The following CHST8 variants were observed in gnomAD, a reference collection of about 807,000 sequenced individuals.
CHST8 encodes GALNAC-4-ST1.
Under a neutral mutation model 15.0 loss-of-function variants are expected in CHST8, and 10 were observed. The ratio of observed to expected loss-of-function variants is 0.67; its 90% CI spans 0.41 to 1.13. CHST8 has a LOEUF of 1.13. Among genes scored for constraint, CHST8 ranks in the 50% most tolerant of loss-of-function variants. CHST8 has a pLI of 0.00. For missense variants in CHST8, 634 were observed against 608.2 expected (o/e 1.04, Z -0.45); for synonymous variants, 259 against 256.6 (o/e 1.01, Z -0.09).
rs138112976 is a variant in CHST8 at position 33,725,760 on chromosome 19, C to T, written c.130+36369C>T. 2.6e-3 allele frequency among the ~76,000 whole-genome samples: 392 copies of T among 152,314 alleles called. 1 individual carries two copies. The highest frequency in any genetic ancestry group is 7.4e-3 in the African/African-American group (309 of 41,570). On this transcript the variant is annotated intron_variant, in intron 3 of 4. Transcript: ENST00000650847. ...AGAACAGAGCTGGAGGCTTCAGCCT[C>T]GGCCAGCCCCTTATCTCTAGCCTCA...
chr19:33,771,528 G>A, intron 4 of CHST8, 78 bp downstream of exon 4: 1 of 1,366,986 alleles, frequency 7.3e-7, no homozygotes. Flanking sequence ...AAAATTAGGA[G>A]CTCACATTGG....
At chr19:33,738,187 C>G (rs936350260) in intron 3 of CHST8, among the ~76,000 whole-genome samples, 1 of 152,222 alleles carries the variant, frequency 6.6e-6, no homozygotes, top group Non-Finnish European at 1.5e-5. Context: ...CACTATCGGC[C>G]TCTGTGAGAG....
intron 2 of CHST8, among the ~76,000 whole-genome samples, chr19:33,669,826 G>A (rs532361006): frequency 5.3e-5 from 8 of 152,210 alleles, no homozygotes; most frequent in African/African-American, 7.2e-5. Flanking sequence ...GGGAACCAAC[G>A]TAGATATGCA....
chr19:33,773,210 TGGG>T lies in CHST8; in HGVS notation c.*151_*153del. 1 of 968,482 alleles carries T rather than the reference TGGG, an allele frequency of 1.0e-6. No individual in the cohort carries two copies. Among genetic ancestry groups the T allele is most frequent in the Non-Finnish European group, 1.5e-6 (1 of 675,328 alleles). The allele number at this position is 968,482 out of a possible 1,614,324, so 60.0% of individuals were successfully genotyped here. ...GCTGTGGGAGGCAGCAGGCCCCGGG[TGGG>T]GGGCAGAGGCGCCCAGCCTTGGATG... On this transcript the variant is annotated 3_prime_UTR_variant, in exon 5 of 5. Transcript: ENST00000650847.
intron 2 of CHST8, among the ~76,000 whole-genome samples, chr19:33,672,734 C>T (rs746773217): frequency 5.3e-5 from 8 of 152,292 alleles, no homozygotes; most frequent in Non-Finnish European, 8.8e-5. Flanking sequence ...CAGGATGAGA[C>T]GGCCCTGGGC....
chr19:33,672,935 T>C (rs1972760704), intron 2 of CHST8, among the ~76,000 whole-genome samples: 1 of 152,220 alleles, frequency 6.6e-6, no homozygotes, highest in South Asian at 2.1e-4. Context: ...GACGCTGTGG[T>C]TGAGGATGGA....
At chr19:33,736,062 G>A (rs898915306) in intron 3 of CHST8, among the ~76,000 whole-genome samples, 4 of 152,212 alleles carry the variant, frequency 2.6e-5, no homozygotes, top group Non-Finnish European at 4.4e-5. Context: ...ACAGACATGG[G>A]GCCGGGATCC....
intron 3 of CHST8, among the ~76,000 whole-genome samples, chr19:33,733,763 G>A (rs1039815412): frequency 3.3e-5 from 5 of 152,142 alleles, no homozygotes; most frequent in South Asian, 4.1e-4. Flanking sequence ...CTTCAGCTCC[G>A]AAAGAACATG....
At chr19:33,652,393 T>TTTG (rs1491474033) in intron 1 of CHST8, among the ~76,000 whole-genome samples, 5 of 145,432 alleles carry the variant, frequency 3.4e-5, no homozygotes, top group East Asian at 4.0e-4. Context: ...TTTTTTTTTT[T>TTTG]GAGACAGCTT....
intron 2 of CHST8, among the ~76,000 whole-genome samples, chr19:33,670,200 A>G (rs1211286417): frequency 1.3e-5 from 2 of 152,248 alleles, no homozygotes; most frequent in African/African-American, 2.4e-5. Flanking sequence ...ACCCACAAAA[A>G]TGAAAACAAA....
rs979252847 is a variant in CHST8, at chr19:33,772,296, A to G, written c.508A>G (p.Ser170Gly). The G allele has an allele frequency of 1.9e-6, 3 of 1,601,654 alleles. No homozygotes were observed. The highest frequency in any genetic ancestry group is 2.7e-5 in the African/African-American group (2 of 74,824). ...MQEACAKYRASSSRRAVTPRH... is the reference protein window; with the variant it reads ...MQEACAKYRAGSSRRAVTPRH... ...GGAGGCCTGCGCCAAGTACCGGGCG[A>G]GCAGCAGCCGCCGGGCCGTCACGCC... The change falls in exon 5 of 5, where the codon AGC becomes GGC. Residue 170 changes from serine to glycine, a missense_variant. By Grantham distance (56) the Ser-to-Gly change is moderately conservative (BLOSUM62 0). Coordinates refer to ENST00000650847, the MANE Select transcript of CHST8 (RefSeq NM_001127895.2).
chr19:33,731,070 C>T (rs1258445211), intron 3 of CHST8, among the ~76,000 whole-genome samples: 1 of 152,242 alleles, frequency 6.6e-6, no homozygotes, highest in Non-Finnish European at 1.5e-5. Context: ...TCCCAGTCCA[C>T]TGACTCAAAT....
intron 1 of CHST8, among the ~76,000 whole-genome samples, chr19:33,662,283 G>T (rs1231730130): frequency 1.3e-5 from 2 of 152,066 alleles, no homozygotes; most frequent in African/African-American, 2.4e-5. Flanking sequence ...TCACTCTGTT[G>T]CCCAGGCTGG....
chr19:33,630,227 G>C (rs781474197), intron 1 of CHST8, among the ~76,000 whole-genome samples: 2 of 152,222 alleles, frequency 1.3e-5, no homozygotes, highest in Non-Finnish European at 2.9e-5. Flanking sequence ...CCTGGCCCTG[G>C]AGAAGTTGAG....
Position 33,689,256 on chromosome 19 carries a change from C to G in CHST8, c.-6C>G, listed in dbSNP as rs191031643. ...ACCCAAGAGGTGACCCCTGAGCCAG[C>G]CCCGGATGACCCTGCGACCTGGAAC... On this transcript the variant is annotated 5_prime_UTR_variant, in exon 3 of 5. Coordinates refer to ENST00000650847, the MANE Select transcript of CHST8 (RefSeq NM_001127895.2). 14 of 1,573,264 alleles carry G rather than the reference C, an allele frequency of 8.9e-6. No individual in the cohort carries two copies. The South Asian group carries it at 1.2e-4, about 13-fold the overall frequency.
intron 2 of CHST8, among the ~76,000 whole-genome samples, chr19:33,683,817 GC>G (rs1972930220): frequency 1.3e-5 from 2 of 152,202 alleles, no homozygotes; most frequent in African/African-American, 4.8e-5. Context: ...TGAGGGAAGG[GC>G]TGTCACCGCG....
chr19:33,757,530 A>AAGAG (rs1568358842), intron 3 of CHST8, among the ~76,000 whole-genome samples: 1 of 29,488 alleles, frequency 3.4e-5, no homozygotes, highest in Non-Finnish European at 7.2e-5. Context: ...AAGAGAAAGA[A>AAGAG]AGAAAGAAAG....
At chr19:33,719,879 C>T (rs1374034414) in intron 3 of CHST8, among the ~76,000 whole-genome samples, 2 of 152,194 alleles carry the variant, frequency 1.3e-5, no homozygotes, top group Admixed American at 1.3e-4. Flanking sequence ...GCCAGCCCGT[C>T]CGTGACCTCT....
chr19:33,726,118 G>T (rs2145317954), intron 3 of CHST8, among the ~76,000 whole-genome samples: 1 of 152,350 alleles, frequency 6.6e-6, no homozygotes, highest in South Asian at 2.1e-4. Context: ...CGGGCAGAAG[G>T]CCCTCAGGCC....
Sources: gnomAD v4.1 joint callset for allele counts (sites outside exome capture counted in the v4.1 genomes callset) on GRCh38, gnomAD v4.1.1 for gene constraint, MANE v1.5 for transcripts, NCBI Gene and HGNC (gene_info 2026-07-23, HGNC 2026-07-21) for gene names.